The following FGD3 variants were observed in gnomAD, a reference collection of about 807,000 sequenced individuals.
FGD3 encodes FYVE, RhoGEF and PH domain containing 3.
A neutral mutation model predicts 71.8 loss-of-function variants in FGD3; 45 were observed. The observed-to-expected ratio is 0.63, with a 90% CI of 0.49 to 0.80. The LOEUF is 0.80. FGD3 is among the 30% of genes least tolerant of loss of function. The probability of loss-of-function intolerance (pLI) is 0.00; values close to 1 mark genes in which losing one functional copy is unlikely to be tolerated. For missense variants in FGD3, 844 were observed against 951.5 expected (o/e 0.89, Z 1.49); for synonymous variants, 378 against 392.8 (o/e 0.96, Z 0.44).
At chr9:93,021,317 A>G (rs375643935) in intron 13 of FGD3, among the ~76,000 whole-genome samples, 1 of 152,194 alleles carries the variant, frequency 6.6e-6, no homozygotes, top group Non-Finnish European at 1.5e-5. Flanking sequence ...AGGCTGGGAA[A>G]GAGGCGGGGC....
intron 3 of FGD3, among the ~76,000 whole-genome samples, chr9:92,991,814 T>G (rs956739064): frequency 6.6e-6 from 1 of 152,238 alleles, no homozygotes; most frequent in Non-Finnish European, 1.5e-5. Context: ...AATATTTGCT[T>G]TCTATATCTA....
chr9:92,962,051 G>A (rs1859176897), intron 1 of FGD3, among the ~76,000 whole-genome samples: 1 of 152,232 alleles, frequency 6.6e-6, no homozygotes, highest in Non-Finnish European at 1.5e-5. Context: ...TTGGGGGGCA[G>A]GCTGCCAAAA....
At chr9:92,976,102 G>A (rs952821652) in intron 2 of FGD3, 106 bp from the exon 3 acceptor site, 6 of 663,904 alleles carry the variant, frequency 9.0e-6, no homozygotes, top group Non-Finnish European at 1.2e-5. Context: ...CCAGGCTTTC[G>A]GTGGGGGGCG....
At chr9:92,975,780 T>TGAGGAG (rs138561005) in intron 2 of FGD3, among the ~76,000 whole-genome samples, 8,745 of 151,276 alleles carry the variant, frequency 0.058, 328 homozygotes, top group East Asian at 0.16. Context: ...CAGGCAGTGG[T>TGAGGAG]GAGGAGGAGG....
At chr9:93,019,963 C>T in intron 12 of FGD3, 102 bp downstream of exon 12, 1 of 1,257,946 alleles carries the variant, frequency 7.9e-7, no homozygotes, top group Admixed American at 1.7e-5. Flanking sequence ...TCCGGGACTG[C>T]TGGCCCTGTG....
intron 5 of FGD3, among the ~76,000 whole-genome samples, chr9:93,005,504 C>T (rs941627517): frequency 6.6e-6 from 1 of 152,108 alleles, no homozygotes; most frequent in Non-Finnish European, 1.5e-5. Context: ...TTTTTTCTTT[C>T]TTTTTGAAAC....
intron 14 of FGD3, among the ~76,000 whole-genome samples, chr9:93,026,560 C>T (rs1437345782): frequency 6.6e-6 from 1 of 152,226 alleles, no homozygotes; most frequent in East Asian, 1.9e-4. Flanking sequence ...ACCCCAAGTG[C>T]TCAGCTCAGT....
chr9:92,985,565 G>T (rs1860157902), intron 3 of FGD3, among the ~76,000 whole-genome samples: 2 of 152,276 alleles, frequency 1.3e-5, no homozygotes, highest in South Asian at 4.1e-4. Context: ...TGTAACCTCT[G>T]CCTCCCGAGT....
At chr9:92,991,063 A>C (rs1860389678) in intron 3 of FGD3, among the ~76,000 whole-genome samples, 1 of 149,624 alleles carries the variant, frequency 6.7e-6, no homozygotes, top group Non-Finnish European at 1.5e-5. Context: ...TTTTGTTTGG[A>C]GATTTGTTTG....
rs1181542940 is a variant in FGD3 at position 92,947,649 on chromosome 9, C to T, written c.-298C>T. 1 of 152,298 alleles carries T rather than the reference C, an allele frequency of 6.6e-6. No individual in the cohort carries two copies. Among genetic ancestry groups the T allele is most frequent in the African/African-American group, 2.4e-5 (1 of 41,468 alleles). The allele number at this position is 152,298 out of a possible 1,614,324, so 9.4% of individuals were successfully genotyped here. On this transcript the variant is annotated 5_prime_UTR_variant, in exon 1 of 18. Coordinates refer to ENST00000375482, the MANE Select transcript of FGD3 (RefSeq NM_001083536.2). ...CTCTGGAAGCGGCTCCGGCAAGTAT[C>T]GAGTTTGCCTGTGCGGAGCTGGGGG...
At chr9:93,018,261 T>C in intron 11 of FGD3, 46 bp downstream of exon 11, 3 of 1,524,386 alleles carry the variant, frequency 2.0e-6, no homozygotes, top group Non-Finnish European at 2.7e-6. Context: ...CCTCATGTCT[T>C]CTTTTTCTAA....
intron 10 of FGD3, 145 bp from the exon 11 acceptor site, chr9:93,017,991 C>G: frequency 2.7e-6 from 2 of 754,286 alleles, no homozygotes; most frequent in South Asian, 3.1e-5. Flanking sequence ...ACCTAAGCCT[C>G]TGCACCCCTC....
chr9:93,020,252 C>A, intron 12 of FGD3, 65 bp from the exon 13 acceptor site: 1 of 1,464,948 alleles, frequency 6.8e-7, no homozygotes, highest in South Asian at 1.2e-5. Flanking sequence ...GCAGGCGCGT[C>A]CCTCCTGTGG....
chr9:93,017,792 T>TG (rs931464782), intron 10 of FGD3, among the ~76,000 whole-genome samples: 3 of 149,850 alleles, frequency 2.0e-5, no homozygotes, highest in Non-Finnish European at 4.4e-5. Flanking sequence ...GTGGTGCCTG[T>TG]GGGGAATGGC....
intron 1 of FGD3, among the ~76,000 whole-genome samples, chr9:92,968,759 G>A (rs1459254571): frequency 1.3e-5 from 2 of 151,894 alleles, no homozygotes; most frequent in Admixed American, 6.6e-5. Flanking sequence ...AAGCCATCAC[G>A]CCTGGCTAAT....
intron 14 of FGD3, among the ~76,000 whole-genome samples, chr9:93,026,051 C>T (rs1481343694): frequency 1.3e-5 from 2 of 152,230 alleles, no homozygotes; most frequent in Admixed American, 1.3e-4. Flanking sequence ...ATGAAACTGA[C>T]TCGGTTTCAT....
chr9:92,971,566 CTTTTT>C (rs869043960), intron 1 of FGD3, among the ~76,000 whole-genome samples: 15 of 39,580 alleles, frequency 3.8e-4, no homozygotes, highest in African/African-American at 1.2e-3. Flanking sequence ...CTTTTCTTTT[CTTTTT>C]TTTTTTTTTT....
At position 93,003,107 on chromosome 9, in the gene FGD3, G is replaced by A; in HGVS notation, c.543+93G>A. On this transcript the variant is annotated intron_variant, in intron 4 of 17. Transcript: ENST00000375482. This position sits in a 1 kb window ranked among gnomAD's most constrained non-coding sequence, Gnocchi z 4.1. ...TGAATGACTTAAATACTAAAACTCA[G>A]ACAAATTTAAGTCTGGTCTACAAAC... is the stretch of plus-strand genomic sequence containing the variant. 3 of 1,220,222 alleles carry A rather than the reference G, an allele frequency of 2.5e-6. No individual in the cohort carries two copies. In the African/African-American group the frequency reaches 4.6e-5, roughly 19 times the overall value. The allele number at this position is 1,220,222 out of a possible 1,614,324, so 75.6% of individuals were successfully genotyped here.
chr9:92,987,863 C>T (rs531896502), intron 3 of FGD3, among the ~76,000 whole-genome samples: 4 of 152,294 alleles, frequency 2.6e-5, no homozygotes, highest in East Asian at 3.9e-4. Flanking sequence ...CGCCCCTTAG[C>T]GCGCATGCAT....
Sources: gnomAD v4.1 joint callset for allele counts (sites outside exome capture counted in the v4.1 genomes callset) on GRCh38, gnomAD v4.1.1 for gene constraint, Gnocchi (gnomAD v3.1) non-coding constraint, MANE v1.5 for transcripts, NCBI Gene and HGNC (gene_info 2026-07-23, HGNC 2026-07-21) for gene names.